TMEM132C: variants seen among roughly 807,000 people sequenced by gnomAD.
TMEM132C encodes transmembrane protein 132C.
Under a neutral mutation model 61.4 loss-of-function variants are expected in TMEM132C, and 29 were observed. The observed-to-expected ratio is 0.47, with a 90% CI of 0.35 to 0.64. The LOEUF (loss-of-function observed/expected upper bound fraction) is 0.64, where lower values mean the gene tolerates loss of function less well. TMEM132C is among the 30% of genes least tolerant of loss of function. The pLI, the probability that TMEM132C is intolerant of heterozygous loss-of-function variation, is 0.00. For missense variants in TMEM132C, 1,408 were observed against 1,476.9 expected (o/e 0.95, Z 0.76); for synonymous variants, 656 against 633.1 (o/e 1.04, Z -0.54).
At chr12:128,610,337 G>A (rs557029354) in intron 3 of TMEM132C, among the ~76,000 whole-genome samples, 9 of 152,322 alleles carry the variant, frequency 5.9e-5, no homozygotes, top group African/African-American at 2.2e-4. Flanking sequence ...CTGTAGTAGG[G>A]AGGTAAAGCC....
At chr12:128,594,119 C>A (rs983808414) in intron 3 of TMEM132C, among the ~76,000 whole-genome samples, 1 of 151,392 alleles carries the variant, frequency 6.6e-6, no homozygotes, top group Non-Finnish European at 1.5e-5. Flanking sequence ...CGCAGGCGTC[C>A]CTGAACTCTG....
At chr12:128,659,541 G>T (rs1954363648) in intron 4 of TMEM132C, among the ~76,000 whole-genome samples, 1 of 152,216 alleles carries the variant, frequency 6.6e-6, no homozygotes, top group Non-Finnish European at 1.5e-5. Context: ...CCTGAGCTCT[G>T]TGGACGTCTG....
At chr12:128,663,226 T>C (rs1373710740) in intron 4 of TMEM132C, among the ~76,000 whole-genome samples, 1 of 152,248 alleles carries the variant, frequency 6.6e-6, no homozygotes, top group Non-Finnish European at 1.5e-5. Context: ...GGAGACGTCG[T>C]ACCCATTACC....
chr12:128,538,448 C>A (rs972639848), intron 2 of TMEM132C, among the ~76,000 whole-genome samples: 2 of 152,060 alleles, frequency 1.3e-5, no homozygotes, highest in African/African-American at 4.8e-5. Context: ...TTTGTAGAGA[C>A]AGCATGTTAT....
chr12:128,686,682 C>T (rs185378531), intron 5 of TMEM132C, among the ~76,000 whole-genome samples: 11 of 152,156 alleles, frequency 7.2e-5, no homozygotes, highest in Admixed American at 3.3e-4. Context: ...TTCTTCAACA[C>T]GTACTTATTG....
chr12:128,422,420 G>A (rs998057117), intron 2 of TMEM132C, among the ~76,000 whole-genome samples: 1 of 152,176 alleles, frequency 6.6e-6, no homozygotes, highest in African/African-American at 2.4e-5. Flanking sequence ...TACCTAAAGA[G>A]CAGAGGCGGT....
In TMEM132C at chr12:128,603,249, G is replaced by C. The variant is rs901598289; in HGVS notation, c.1122-12903G>C. On this transcript the variant is annotated intron_variant, in intron 3 of 8. Transcript: ENST00000435159. ...GGGCTGAAATGAATCACAGGGCCAG[G>C]CTAGATTCAGGCGGGTGAGGAGACA... 5.3e-5 allele frequency among the ~76,000 whole-genome samples: 8 copies of C among 152,200 alleles called. No individual in the cohort carries two copies. The East Asian group carries it at 1.5e-3, about 29-fold the overall frequency.
At chr12:128,292,895 A>C (rs1354024450) in intron 1 of TMEM132C, among the ~76,000 whole-genome samples, 3 of 151,508 alleles carry the variant, frequency 2.0e-5, no homozygotes, top group Admixed American at 6.6e-5. Context: ...TTCTATTCCT[A>C]ATAGAGCACA....
intron 1 of TMEM132C, among the ~76,000 whole-genome samples, chr12:128,282,293 G>C (rs938217304): frequency 4.6e-5 from 7 of 152,196 alleles, no homozygotes; most frequent in African/African-American, 1.7e-4. Context: ...TTTTCACATT[G>C]CTATAAAGAA....
chr12:128,597,691 A>G lies in TMEM132C; in HGVS notation c.1122-18461A>G, dbSNP rs944465489. The stretch of plus-strand genomic sequence containing the variant: ...CAGTTTCTCATCTAGAGGTGCTTAC[A>G]TCTTACCAGAGAAGATAGAAAATGA... On this transcript the variant is annotated intron_variant, in intron 3 of 8. Coordinates refer to ENST00000435159, the MANE Select transcript of TMEM132C (RefSeq NM_001136103.3). 3.9e-5 allele frequency among the ~76,000 whole-genome samples: 6 copies of G among 152,246 alleles called. No individual in the cohort carries two copies. In the South Asian group the frequency reaches 1.0e-3, roughly 26 times the overall value.
At chr12:128,665,390 C>CA (rs1359444574) in intron 4 of TMEM132C, among the ~76,000 whole-genome samples, 4 of 149,306 alleles carry the variant, frequency 2.7e-5, no homozygotes, top group Non-Finnish European at 5.9e-5. Context: ...CACACACAGA[C>CA]ACAGGCACTC....
intron 1 of TMEM132C, among the ~76,000 whole-genome samples, chr12:128,292,781 T>C (rs1871287161): frequency 6.6e-6 from 1 of 152,192 alleles, no homozygotes; most frequent in Non-Finnish European, 1.5e-5. Context: ...TTCATAAGTG[T>C]CTGTTAAGTG....
chr12:128,494,398 A>T (rs1416514921), intron 2 of TMEM132C, among the ~76,000 whole-genome samples: 5 of 152,120 alleles, frequency 3.3e-5, no homozygotes, highest in African/African-American at 1.2e-4. Flanking sequence ...TTTTCTATTG[A>T]TTAGAATAGT....
At chr12:128,336,576 A>G (rs555684532) in intron 1 of TMEM132C, among the ~76,000 whole-genome samples, 1 of 152,274 alleles carries the variant, frequency 6.6e-6, no homozygotes, top group South Asian at 2.1e-4. Context: ...TTTTTCTCAA[A>G]TACACAGTCA....
chr12:128,526,631 G>A (rs2136131857), intron 2 of TMEM132C, among the ~76,000 whole-genome samples: 1 of 152,344 alleles, frequency 6.6e-6, no homozygotes, highest in East Asian at 1.9e-4. Flanking sequence ...ATATGTCAGA[G>A]AGTGATAAAG....
intron 2 of TMEM132C, among the ~76,000 whole-genome samples, chr12:128,469,574 C>T (rs1870863255): frequency 6.6e-6 from 1 of 151,928 alleles, no homozygotes; most frequent in Non-Finnish European, 1.5e-5. Context: ...AGCTTTACAG[C>T]CATGAGCCAC....
intron 5 of TMEM132C, among the ~76,000 whole-genome samples, chr12:128,693,154 G>A (rs1011749022): frequency 1.3e-5 from 2 of 152,194 alleles, no homozygotes; most frequent in African/African-American, 4.8e-5. Flanking sequence ...GGACCGTGAA[G>A]AACCTGCATC....
intron 4 of TMEM132C, among the ~76,000 whole-genome samples, chr12:128,626,901 A>G (rs1954022433): frequency 1.3e-5 from 2 of 152,180 alleles, no homozygotes; most frequent in Non-Finnish European, 1.5e-5. Flanking sequence ...CCTGCTGCAT[A>G]CAGAAGGAAA....
chr12:128,550,715 TG>T (rs1175650772), intron 3 of TMEM132C, among the ~76,000 whole-genome samples: 3 of 152,348 alleles, frequency 2.0e-5, no homozygotes, highest in African/African-American at 4.8e-5. Flanking sequence ...ATAGTCACAC[TG>T]GGGCAGAGGG....
Sources: gnomAD v4.1 joint callset for allele counts (sites outside exome capture counted in the v4.1 genomes callset) on GRCh38, gnomAD v4.1.1 for gene constraint, MANE v1.5 for transcripts, NCBI Gene and HGNC (gene_info 2026-07-23, HGNC 2026-07-21) for gene names.